Variants in ADAMTS6 observed in about 807,000 individuals in gnomAD.
ADAMTS6 encodes the protein A disintegrin and metalloproteinase with thrombospondin motifs 6.
Under a neutral mutation model 144.3 loss-of-function variants are expected in ADAMTS6, and 23 were observed. The observed-to-expected ratio is 0.16, with a 90% CI of 0.11 to 0.23. The LOEUF is 0.23. ADAMTS6 is among the 10% of genes least tolerant of loss of function. ADAMTS6 has a pLI of 1.00. For missense variants in ADAMTS6, 999 were observed against 1,379.6 expected (o/e 0.72, Z 4.37); for synonymous variants, 444 against 457.5 (o/e 0.97, Z 0.38).
intron 7 of ADAMTS6, among the ~76,000 whole-genome samples, chr5:65,345,273 G>A (rs537538169): frequency 1.1e-4 from 16 of 150,820 alleles, no homozygotes; most frequent in African/African-American, 3.2e-4. Context: ...CACAGAAAAC[G>A]AAAACCCTAA....
chr5:65,288,670 G>C (rs1478565472), intron 11 of ADAMTS6, among the ~76,000 whole-genome samples: 5 of 152,108 alleles, frequency 3.3e-5, no homozygotes, highest in African/African-American at 1.2e-4. Flanking sequence ...CCTGCTAGTT[G>C]AAAGAGGAAT....
At chr5:65,279,313 TTTTA>T (rs1302940076) in intron 11 of ADAMTS6, among the ~76,000 whole-genome samples, 13 of 152,122 alleles carry the variant, frequency 8.5e-5, no homozygotes, top group Non-Finnish European at 7.4e-5. Context: ...TCACTGTATC[TTTTA>T]TTTATTTATT....
chr5:65,421,380 G>A (rs1756027971), intron 7 of ADAMTS6, among the ~76,000 whole-genome samples: 1 of 152,144 alleles, frequency 6.6e-6, no homozygotes, highest in Non-Finnish European at 1.5e-5. Context: ...ATTTAATGAG[G>A]CTAAAGATAG....
At chr5:65,473,474 A>T in intron 2 of ADAMTS6, 103 bp downstream of exon 2, 2 of 968,088 alleles carry the variant, frequency 2.1e-6, no homozygotes, top group Non-Finnish European at 3.2e-6. Context: ...TCCTATCACT[A>T]CATATCCCAA....
intron 18 of ADAMTS6, among the ~76,000 whole-genome samples, chr5:65,222,222 G>T (rs1009843115): frequency 3.3e-5 from 5 of 152,142 alleles, no homozygotes; most frequent in African/African-American, 1.2e-4. Context: ...AAGACCCGCT[G>T]GGAAGCTCGA....
intron 4 of ADAMTS6, among the ~76,000 whole-genome samples, chr5:65,456,884 T>C (rs1414181037): frequency 2.0e-5 from 3 of 152,184 alleles, no homozygotes; most frequent in African/African-American, 4.8e-5. Context: ...TTGAATCTAA[T>C]TAGAATAGAA....
At position 65,292,704 on chromosome 5, in the gene ADAMTS6, T is replaced by C. The variant is rs540974348; in HGVS notation, c.1371-1234A>G. 2.5e-3 allele frequency among the ~76,000 whole-genome samples: 380 copies of C among 152,232 alleles called. 2 individuals are homozygous for C. Among genetic ancestry groups the C allele is most frequent in the Non-Finnish European group, 3.8e-3 (258 of 67,964 alleles). The stretch of plus-strand genomic sequence containing the variant: ...GAGACAGACTACTGTCTTCTTTATA[T>C]CCTTCTCCTTTCTTTCATGCCCTCC... On this transcript the variant is annotated intron_variant, in intron 10 of 24. Coordinates refer to ENST00000381055, the MANE Select transcript of ADAMTS6 (RefSeq NM_197941.4).
intron 6 of ADAMTS6, 102 bp from the exon 7 acceptor site, chr5:65,451,722 T>C: frequency 7.2e-7 from 1 of 1,392,872 alleles, no homozygotes; most frequent in Non-Finnish European, 9.9e-7. Context: ...GAAGCAGTGT[T>C]TCTAGGAATA....
chr5:65,260,703 T>A, intron 13 of ADAMTS6, 40 bp from the exon 14 acceptor site: 1 of 1,485,866 alleles, frequency 6.7e-7, no homozygotes, highest in South Asian at 1.1e-5. Context: ...TACTAATACA[T>A]CTGTCCATAC....
intron 7 of ADAMTS6, among the ~76,000 whole-genome samples, chr5:65,365,924 G>A (rs1750265743): frequency 6.6e-6 from 1 of 151,882 alleles, no homozygotes; most frequent in Admixed American, 6.6e-5. Context: ...ATAGTTCCAG[G>A]AAATGAGCAT....
intron 22 of ADAMTS6, among the ~76,000 whole-genome samples, chr5:65,185,095 G>A (rs754144209): frequency 2.0e-5 from 3 of 152,172 alleles, no homozygotes; most frequent in Admixed American, 1.3e-4. Context: ...ACTGAATACC[G>A]CCTGCTCTTC....
intron 7 of ADAMTS6, among the ~76,000 whole-genome samples, chr5:65,335,490 G>T (rs1297632353): frequency 6.6e-6 from 1 of 152,084 alleles, no homozygotes; most frequent in Admixed American, 6.6e-5. Flanking sequence ...ACCTTTTCTA[G>T]CAGTCTTCAA....
chr5:65,162,681 GTGTA>G (rs1226867584), intron 24 of ADAMTS6, among the ~76,000 whole-genome samples: 4 of 151,280 alleles, frequency 2.6e-5, no homozygotes, highest in Non-Finnish European at 5.9e-5. Flanking sequence ...AGATCTATTT[GTGTA>G]TGTGAGATAT....
chr5:65,370,421 C>T (rs1750748960), intron 7 of ADAMTS6, among the ~76,000 whole-genome samples: 1 of 152,122 alleles, frequency 6.6e-6, no homozygotes, highest in Non-Finnish European at 1.5e-5. Context: ...GGTGCGCGCA[C>T]CATGCGTGAG....
At chr5:65,240,461 CTT>C (rs899816977) in intron 15 of ADAMTS6, among the ~76,000 whole-genome samples, 3 of 152,112 alleles carry the variant, frequency 2.0e-5, no homozygotes, top group African/African-American at 7.2e-5. Context: ...ACTATAATGA[CTT>C]TTATGGACTG....
At chr5:65,435,915 T>G (rs1757364161) in intron 7 of ADAMTS6, among the ~76,000 whole-genome samples, 1 of 152,130 alleles carries the variant, frequency 6.6e-6, no homozygotes, top group African/African-American at 2.4e-5. Context: ...TGTGAGCCAC[T>G]GCACCCGGCC....
rs774084391 is a variant in ADAMTS6, at chr5:65,470,913, T to A, written c.327A>T (p.Lys109Asn). The change falls in exon 3 of 25, where the codon AAA (lysine) becomes AAT (asparagine). Residue 109 changes from lysine to asparagine, a missense_variant. Physicochemically the swap from Lys to Asn is moderately conservative, Grantham distance 94. Coordinates refer to ENST00000381055, the MANE Select transcript of ADAMTS6 (RefSeq NM_197941.4). ...TCCCCCAATATTCTACTGTAAAATGTTTGGACACAAAATCTGTGTTGAGAG... is the reference window on the plus strand; with the variant it reads ...TCCCCCAATATTCTACTGTAAAATGATTGGACACAAAATCTGTGTTGAGAG... The part of the protein sequence containing the change: ...NLTLNTDFVS[K>N]HFTVEYWGKD... 6.2e-7 allele frequency: 1 copy of A among 1,612,586 alleles called. No individual in the cohort carries two copies. The highest frequency in any genetic ancestry group is 1.1e-5 in the South Asian group (1 of 90,674).
chr5:65,322,036 T>C (rs530779750), intron 9 of ADAMTS6, among the ~76,000 whole-genome samples: 6 of 152,186 alleles, frequency 3.9e-5, no homozygotes, highest in Admixed American at 3.9e-4. Flanking sequence ...CTTGAGTTAA[T>C]TTTTGTGTAT....
chr5:65,365,146 CAGG>C (rs1750192091), intron 7 of ADAMTS6, among the ~76,000 whole-genome samples: 4 of 152,074 alleles, frequency 2.6e-5, no homozygotes, highest in Admixed American at 2.6e-4. Context: ...CCACTGCAAT[CAGG>C]AGATCTATCA....
Sources: gnomAD v4.1 joint callset for allele counts (sites outside exome capture counted in the v4.1 genomes callset) on GRCh38, gnomAD v4.1.1 for gene constraint, MANE v1.5 for transcripts, NCBI Gene and HGNC (gene_info 2026-07-23, HGNC 2026-07-21) for gene names.